Variants in KCNN2 observed in about 807,000 individuals in gnomAD.
The protein encoded by KCNN2 is potassium calcium-activated channel subfamily N member 2, also known as small conductance calcium-activated potassium channel protein 2.
KCNN2 carries 24 observed loss-of-function variants against 55.5 expected under a neutral mutation model. The observed-to-expected ratio is 0.43, with a 90% CI of 0.31 to 0.61. KCNN2 has a LOEUF of 0.61. Ranked by LOEUF, KCNN2 falls within the 20% of genes least tolerant of loss-of-function variation. The probability of loss-of-function intolerance (pLI) is 0.08; values close to 1 mark genes in which losing one functional copy is unlikely to be tolerated. For missense variants in KCNN2, 754 were observed against 853.6 expected (o/e 0.88, Z 1.45); for synonymous variants, 431 against 336.1 (o/e 1.28, Z -3.09).
intron 2 of KCNN2, among the ~76,000 whole-genome samples, chr5:114,251,160 C>T (rs951025483): frequency 1.3e-5 from 2 of 152,124 alleles, no homozygotes; most frequent in Non-Finnish European, 2.9e-5. Flanking sequence ...AAGTGTTTTC[C>T]GGTTGGCCAC....
chr5:114,266,943 C>T (rs1326075667), intron 2 of KCNN2, among the ~76,000 whole-genome samples: 2 of 151,370 alleles, frequency 1.3e-5, no homozygotes, highest in African/African-American at 2.4e-5. Flanking sequence ...CTCTCTTAGT[C>T]CCATCTGGAT....
At chr5:114,446,283 A>G (rs747222393) in intron 3 of KCNN2, among the ~76,000 whole-genome samples, 2 of 152,188 alleles carry the variant, frequency 1.3e-5, no homozygotes, top group African/African-American at 2.4e-5. Flanking sequence ...AAGGTATTAT[A>G]TCTTCTGTGT....
At chr5:114,493,339 T>C (rs2150143080) in intron 6 of KCNN2, 64 bp from the exon 7 acceptor site, 1 of 995,240 alleles carries the variant, frequency 1.0e-6, no homozygotes. Flanking sequence ...TGCATGCTCT[T>C]TGGAAGGCAT....
At chr5:114,240,033 C>A (rs556047596) in intron 2 of KCNN2, among the ~76,000 whole-genome samples, 1 of 151,864 alleles carries the variant, frequency 6.6e-6, no homozygotes, top group South Asian at 2.1e-4. Context: ...TTTAAGAAAC[C>A]GCCATAAGTT....
chr5:114,406,805 T>C (rs1758950488), intron 3 of KCNN2, among the ~76,000 whole-genome samples: 1 of 152,108 alleles, frequency 6.6e-6, no homozygotes, highest in East Asian at 1.9e-4. Context: ...TCTTTCTTCG[T>C]TCTTTATTTT....
intron 1 of KCNN2, among the ~76,000 whole-genome samples, chr5:114,161,347 T>G (rs1752776316): frequency 7.0e-6 from 1 of 142,536 alleles, no homozygotes; most frequent in Admixed American, 7.3e-5. Context: ...TCTCCTGGCT[T>G]GTAGAGTTTC....
At position 114,142,034 on chromosome 5, in the gene KCNN2, C is replaced by T. The variant is rs565075951; in HGVS notation, c.-270-79446C>T. 2.0e-5 allele frequency among the ~76,000 whole-genome samples: 3 copies of T among 152,176 alleles called. No homozygotes were observed. The East Asian group carries it at 5.8e-4, about 29-fold the overall frequency. ...TCTTTGTAGATTCTGGATATTAGCC[C>T]TTTGTCAGATGAGTAGATTGCAAAA... On this transcript the variant is annotated intron_variant, in intron 1 of 10. Transcript: ENST00000512097.
Position 114,344,216 on chromosome 5 carries a change from G to T in KCNN2, c.-184-16729G>T, listed in dbSNP as rs1006589672. On this transcript the variant is annotated intron_variant, in intron 2 of 10. Coordinates refer to the KCNN2 transcript ENST00000512097. Reference sequence around the variant, plus strand: ...TTTGGGTCTTACTACAAAGTAAGGAGCCCAGTCACCAAGACTTCCCTCACT... The same window carrying T: ...TTTGGGTCTTACTACAAAGTAAGGATCCCAGTCACCAAGACTTCCCTCACT... 3.3e-5 allele frequency among the ~76,000 whole-genome samples: 5 copies of T among 152,156 alleles called. No individual in the cohort carries two copies. In the East Asian group the frequency reaches 9.6e-4, roughly 29 times the overall value.
intron 1 of KCNN2, among the ~76,000 whole-genome samples, chr5:114,150,842 A>G (rs1331766387): frequency 6.6e-6 from 1 of 152,120 alleles, no homozygotes; most frequent in African/African-American, 2.4e-5. Context: ...ACCAACATGG[A>G]GAAACCTCAT....
chr5:114,411,370 T>A (rs919816876), intron 3 of KCNN2, among the ~76,000 whole-genome samples: 1 of 151,782 alleles, frequency 6.6e-6, no homozygotes, highest in Non-Finnish European at 1.5e-5. Flanking sequence ...TGAGAGGAGA[T>A]TTATTAGAGG....
intron 2 of KCNN2, among the ~76,000 whole-genome samples, chr5:114,380,378 C>G (rs402876): frequency 0.11 from 16,089 of 152,222 alleles, 1,218 homozygotes; most frequent in African/African-American, 0.22. Flanking sequence ...TGCCCTGGCT[C>G]TCTCTCATTT....
intron 1 of KCNN2, among the ~76,000 whole-genome samples, chr5:114,133,484 C>G (rs1300189037): frequency 2.0e-5 from 3 of 152,182 alleles, no homozygotes; most frequent in Non-Finnish European, 4.4e-5. Context: ...GAGCTCAACT[C>G]TGTGTGTTAC....
chr5:114,071,040 A>G (rs570014192), intron 1 of KCNN2, among the ~76,000 whole-genome samples: 1 of 152,230 alleles, frequency 6.6e-6, no homozygotes, highest in African/African-American at 2.4e-5. Flanking sequence ...AGGGTTTGAT[A>G]TGCTAGCCAT....
chr5:114,068,334 T>C (rs1750492979), intron 1 of KCNN2, among the ~76,000 whole-genome samples: 1 of 152,224 alleles, frequency 6.6e-6, no homozygotes, highest in Non-Finnish European at 1.5e-5. Flanking sequence ...TTTGAGCTTC[T>C]AAGGTATGGA....
chr5:114,078,172 G>A (rs1750724618), intron 1 of KCNN2, among the ~76,000 whole-genome samples: 1 of 152,094 alleles, frequency 6.6e-6, no homozygotes, highest in East Asian at 1.9e-4. Flanking sequence ...GATTAAAATG[G>A]ATTTAAAAAT....
intron 2 of KCNN2, among the ~76,000 whole-genome samples, chr5:114,255,788 G>A (rs959728479): frequency 6.6e-6 from 1 of 152,130 alleles, no homozygotes; most frequent in African/African-American, 2.4e-5. Context: ...TAGAATTTAG[G>A]AGGTAGTAAA....
chr5:114,291,824 C>G (rs1265615734), intron 2 of KCNN2, among the ~76,000 whole-genome samples: 2 of 152,152 alleles, frequency 1.3e-5, no homozygotes, highest in East Asian at 3.9e-4. Flanking sequence ...AAAAGTGTTC[C>G]TATTTCTCCA....
intron 3 of KCNN2, among the ~76,000 whole-genome samples, chr5:114,441,195 TAAAAC>T (rs1167696856): frequency 3.9e-5 from 6 of 152,154 alleles, no homozygotes; most frequent in African/African-American, 1.2e-4. Flanking sequence ...ATATATAAAA[TAAAAC>T]AGTGAGCAAA....
intron 2 of KCNN2, among the ~76,000 whole-genome samples, chr5:114,371,598 T>C (rs1757760367): frequency 6.6e-6 from 1 of 151,966 alleles, no homozygotes; most frequent in Non-Finnish European, 1.5e-5. Flanking sequence ...TTCTGTGGAG[T>C]GGTTGAGACA....
Sources: gnomAD v4.1 joint callset for allele counts (sites outside exome capture counted in the v4.1 genomes callset) on GRCh38, gnomAD v4.1.1 for gene constraint, MANE v1.5 for transcripts, NCBI Gene and HGNC (gene_info 2026-07-23, HGNC 2026-07-21) for gene names.